Variants in CDK19 observed in about 807,000 individuals in gnomAD.
CDK19 encodes cyclin dependent kinase 19.
In CDK19, 20 loss-of-function variants were observed where a neutral mutation model predicts 68.3. The observed-to-expected ratio is 0.29, with a 90% CI of 0.21 to 0.43. The LOEUF is 0.43. Among genes scored for constraint, CDK19 ranks in the 20% least tolerant of loss-of-function variants. The probability of loss-of-function intolerance (pLI) is 1.00; values close to 1 mark genes in which losing one functional copy is unlikely to be tolerated. For missense variants in CDK19, 339 were observed against 623.5 expected (o/e 0.54, Z 4.86); for synonymous variants, 221 against 222.8 (o/e 0.99, Z 0.07).
At chr6:110,807,829 A>G (rs1383290644) in intron 1 of CDK19, among the ~76,000 whole-genome samples, 1 of 150,922 alleles carries the variant, frequency 6.6e-6, no homozygotes, top group South Asian at 2.1e-4. Flanking sequence ...TTTTTTTTTA[A>G]GAGAGTCTCG....
chr6:110,698,783 A>G (rs1582890267), intron 2 of CDK19, among the ~76,000 whole-genome samples: 1 of 152,194 alleles, frequency 6.6e-6, no homozygotes, highest in Admixed American at 6.5e-5. Flanking sequence ...GTGGATAAAG[A>G]AAATGTGGTA....
intron 2 of CDK19, among the ~76,000 whole-genome samples, chr6:110,690,986 CAA>C (rs1282366687): frequency 6.6e-6 from 1 of 152,090 alleles, no homozygotes; most frequent in Non-Finnish European, 1.5e-5. Flanking sequence ...GCAACATCCA[CAA>C]AAGATTACAC....
At chr6:110,755,820 A>G (rs1291703477) in intron 1 of CDK19, among the ~76,000 whole-genome samples, 1 of 152,194 alleles carries the variant, frequency 6.6e-6, no homozygotes, top group African/African-American at 2.4e-5. Context: ...GTAAGCAGAT[A>G]GTATGCAGGG....
Position 110,632,111 on chromosome 6 carries a change from C to T in CDK19, c.565G>A (p.Asp189Asn). 1.9e-6 allele frequency: 3 copies of T among 1,614,024 alleles called. No homozygotes were observed. Among genetic ancestry groups the T allele is most frequent in the Non-Finnish European group, 2.5e-6 (3 of 1,179,968 alleles). The change falls in exon 6 of 13, where the codon GAT becomes AAT. Residue 189 changes from aspartate to asparagine, a missense_variant. This residue lies in a region of CDK19 where 1 missense variants were observed against 20.3 expected (regional missense o/e 0.05). Coordinates refer to ENST00000368911, the MANE Select transcript of CDK19 (RefSeq NM_015076.5). ...AATGTCACAACTACTGGATCCAAAT[C>T]TGCTAGTGGCTTTAGAGGAGAATTG... ...LFNSPLKPLA[D>N]LDPVVVTFWY...
At chr6:110,646,656 CT>C (rs1173770900) in intron 4 of CDK19, 2 of 514,024 alleles carry the variant, frequency 3.9e-6, no homozygotes, top group Non-Finnish European at 6.6e-6. Flanking sequence ...TCCCTTTTCC[CT>C]TTGGCTTTGC....
chr6:110,717,774 T>TCACCGCAACCTCTGCCTCCTGGGTTC (rs1775519041), intron 2 of CDK19, among the ~76,000 whole-genome samples: 2 of 152,188 alleles, frequency 1.3e-5, no homozygotes, highest in South Asian at 4.1e-4. Flanking sequence ...CGATCTTGGC[T>TCACCGCAACCTCTGCCTCCTGGGTTC]CACCGCAACC....
intron 4 of CDK19, chr6:110,645,801 T>C (rs1780522981): frequency 3.3e-6 from 2 of 602,396 alleles, no homozygotes; most frequent in Admixed American, 2.2e-5. Flanking sequence ...CTGGTGCCTA[T>C]CTAGAGACGG....
chr6:110,814,690 G>C, intron 1 of CDK19: 5 of 558,332 alleles, frequency 9.0e-6, no homozygotes, highest in Non-Finnish European at 1.7e-5. Context: ...CAAGAGACTA[G>C]ACCCCACAAA....
intron 4 of CDK19, among the ~76,000 whole-genome samples, chr6:110,657,426 T>A (rs533054124): frequency 2.0e-5 from 3 of 152,350 alleles, no homozygotes; most frequent in East Asian, 3.9e-4. Context: ...ATGTTGCTAG[T>A]CTAATAGAAT....
intron 4 of CDK19, among the ~76,000 whole-genome samples, chr6:110,652,013 G>A (rs112412718): frequency 4.6e-5 from 7 of 152,094 alleles, no homozygotes; most frequent in African/African-American, 1.7e-4. Context: ...CATGGAGGTT[G>A]CAGTGAGCTG....
At chr6:110,647,311 T>C (rs1302705853) in intron 4 of CDK19, among the ~76,000 whole-genome samples, 3 of 151,266 alleles carry the variant, frequency 2.0e-5, no homozygotes, top group Non-Finnish European at 4.4e-5. Context: ...AAAGCCATGA[T>C]GTGTTTAAGT....
rs561789959 is a variant in CDK19 at position 110,612,929 on chromosome 6, G to A, written c.*1606C>T. On this transcript the variant is annotated 3_prime_UTR_variant, in exon 13 of 13. Coordinates refer to ENST00000368911, the MANE Select transcript of CDK19 (RefSeq NM_015076.5). ...TTCTGTCTAATCTTATTTTACTTGT[G>A]TATGGACCCACAGTATCATAACCAG... 2 of 152,712 alleles carry A rather than the reference G, an allele frequency of 1.3e-5. No homozygotes were observed. Among genetic ancestry groups the A allele is most frequent in the East Asian group, 1.9e-4 (1 of 5,186 alleles). 9.5% of individuals were successfully genotyped at this position (152,712 alleles called of 1,614,324 possible).
At chr6:110,717,156 T>C (rs776548099) in intron 2 of CDK19, among the ~76,000 whole-genome samples, 47 of 151,850 alleles carry the variant, frequency 3.1e-4, no homozygotes, top group Non-Finnish European at 1.0e-4. Flanking sequence ...AATGAATAAA[T>C]AGAACGTATG....
intron 1 of CDK19, among the ~76,000 whole-genome samples, chr6:110,803,349 G>A (rs1782466973): frequency 6.6e-6 from 1 of 152,182 alleles, no homozygotes; most frequent in South Asian, 2.1e-4. Context: ...AAAGTGCTGG[G>A]ATTACAGGCG....
chr6:110,616,451 T>C (rs1213460539), intron 12 of CDK19, among the ~76,000 whole-genome samples: 2 of 152,118 alleles, frequency 1.3e-5, no homozygotes. Flanking sequence ...GCAGATCACC[T>C]GAGGTCAGGA....
At chr6:110,699,952 A>G (rs1773852807) in intron 2 of CDK19, among the ~76,000 whole-genome samples, 1 of 152,188 alleles carries the variant, frequency 6.6e-6, no homozygotes, top group Admixed American at 6.5e-5. Flanking sequence ...AACAAGCCAC[A>G]CAGCAGGAGG....
chr6:110,806,397 C>CG (rs1782687606), intron 1 of CDK19, among the ~76,000 whole-genome samples: 1 of 145,698 alleles, frequency 6.9e-6, no homozygotes, highest in African/African-American at 2.8e-5. Context: ...TCTTAGCCAA[C>CG]CCCCCCATCT....
chr6:110,663,314 T>C (rs1781727421), intron 4 of CDK19, among the ~76,000 whole-genome samples: 1 of 152,226 alleles, frequency 6.6e-6, no homozygotes, highest in African/African-American at 2.4e-5. Flanking sequence ...TTTTCAAATG[T>C]CTCCATCATC....
At chr6:110,765,325 G>A (rs1486037121) in intron 1 of CDK19, among the ~76,000 whole-genome samples, 1 of 152,104 alleles carries the variant, frequency 6.6e-6, no homozygotes, top group Non-Finnish European at 1.5e-5. Context: ...GCTGCAAATA[G>A]CTATGATCAC....
Sources: allele counts gnomAD v4.1 joint callset (sites outside exome capture counted in the v4.1 genomes callset), GRCh38; gene constraint gnomAD v4.1.1; regional missense constraint gnomAD v4.1.1; transcripts MANE v1.5; gene names NCBI Gene and HGNC (gene_info 2026-07-23, HGNC 2026-07-21).